PCDH7: variants seen among roughly 807,000 people sequenced by gnomAD.
The protein encoded by PCDH7 is protocadherin-7.
A neutral mutation model predicts 58.9 loss-of-function variants in PCDH7; 17 were observed. That is an observed-to-expected ratio of 0.29 (90% CI 0.20 to 0.43). PCDH7 has a LOEUF of 0.43. Among genes scored for constraint, PCDH7 ranks in the 20% least tolerant of loss-of-function variants. PCDH7 has a pLI of 1.00. For missense variants in PCDH7, 1,274 were observed against 1,441.0 expected, an observed-to-expected ratio of 0.88 and a Z score of 1.88; for synonymous variants, 664 against 616.4, an observed-to-expected ratio of 1.08 and a Z score of -1.14.
chr4:30,872,920 C>G (rs1033260690), intron 1 of PCDH7, among the ~76,000 whole-genome samples: 2 of 152,044 alleles, frequency 1.3e-5, no homozygotes, highest in Non-Finnish European at 2.9e-5. Flanking sequence ...CAGACCAGTT[C>G]CTGGCACTGT....
intron 3 of PCDH7, among the ~76,000 whole-genome samples, chr4:31,049,494 T>TTTC (rs1034760425): frequency 3.3e-5 from 5 of 152,116 alleles, no homozygotes; most frequent in African/African-American, 7.2e-5. Flanking sequence ...GCTACATTTC[T>TTTC]TTCTCTTGCT....
chr4:30,803,700 A>G (rs910621168), intron 1 of PCDH7, among the ~76,000 whole-genome samples: 3 of 152,190 alleles, frequency 2.0e-5, no homozygotes, highest in East Asian at 1.9e-4. Flanking sequence ...TGGTGTCCCA[A>G]AGTGCTGGGA....
At chr4:30,853,359 C>T (rs2109348264) in intron 1 of PCDH7, among the ~76,000 whole-genome samples, 1 of 152,132 alleles carries the variant, frequency 6.6e-6, no homozygotes, top group East Asian at 1.9e-4. Context: ...TTAGGAAATG[C>T]TATTTCTCTT....
chr4:31,034,880 G>T (rs964434519), intron 3 of PCDH7, among the ~76,000 whole-genome samples: 1 of 152,164 alleles, frequency 6.6e-6, no homozygotes, highest in Admixed American at 6.5e-5. Flanking sequence ...TTGGTGACAT[G>T]AATCACTCTT....
chr4:30,855,270 G>T (rs1733310081), intron 1 of PCDH7, among the ~76,000 whole-genome samples: 1 of 152,122 alleles, frequency 6.6e-6, no homozygotes, highest in South Asian at 2.1e-4. Flanking sequence ...TGCTTGATTT[G>T]TCATGATCAG....
At chr4:30,986,441 C>A (rs768291831) in intron 3 of PCDH7, among the ~76,000 whole-genome samples, 3 of 151,536 alleles carry the variant, frequency 2.0e-5, no homozygotes, top group Admixed American at 1.3e-4. Flanking sequence ...AGGAAAAAAC[C>A]CACCTATTTC....
At chr4:31,033,405 A>T (rs956626032) in intron 3 of PCDH7, among the ~76,000 whole-genome samples, 14 of 152,232 alleles carry the variant, frequency 9.2e-5, no homozygotes, top group African/African-American at 3.1e-4. Flanking sequence ...TAGCATTTCA[A>T]TGCATTGTAT....
chr4:31,124,046 G>A (rs548685324), intron 3 of PCDH7, among the ~76,000 whole-genome samples: 13 of 152,180 alleles, frequency 8.5e-5, no homozygotes, highest in African/African-American at 2.9e-4. Context: ...GTTTTTATGG[G>A]TACAGGGTGA....
At chr4:30,981,811 G>A (rs1251560965) in intron 3 of PCDH7, among the ~76,000 whole-genome samples, 2 of 152,068 alleles carry the variant, frequency 1.3e-5, no homozygotes, top group African/African-American at 4.8e-5. Flanking sequence ...TTTTAAAAAA[G>A]TGCTACTCTC....
chr4:30,846,139 G>A lies in PCDH7; in HGVS notation c.71-74014G>A, dbSNP rs1578025653. Reference sequence around the variant, plus strand: ...ATGGTCTGAATATATCTATACCAGGGTTTCCCAATGTTGGCACTATTGATA... The same window carrying A: ...ATGGTCTGAATATATCTATACCAGGATTTCCCAATGTTGGCACTATTGATA... On this transcript the variant is annotated intron_variant, in intron 1 of 3. Coordinates refer to the PCDH7 transcript ENST00000509759. Among the ~76,000 whole-genome samples, 4 of 152,020 alleles carry A rather than the reference G, an allele frequency of 2.6e-5. No homozygotes were observed. In the East Asian group the frequency reaches 7.7e-4, roughly 29 times the overall value.
chr4:31,047,155 A>C (rs1756356221), intron 3 of PCDH7, among the ~76,000 whole-genome samples: 1 of 152,162 alleles, frequency 6.6e-6, no homozygotes, highest in South Asian at 2.1e-4. Flanking sequence ...TGATTACACA[A>C]ATATCACATA....
intron 1 of PCDH7, among the ~76,000 whole-genome samples, chr4:30,837,299 C>A (rs1266517162): frequency 1.3e-5 from 2 of 151,968 alleles, no homozygotes; most frequent in East Asian, 3.9e-4. Context: ...CAGGGCCCTG[C>A]ATGGACTGTC....
At chr4:30,881,336 A>G (rs1291509274) in intron 1 of PCDH7, among the ~76,000 whole-genome samples, 1 of 152,004 alleles carries the variant, frequency 6.6e-6, no homozygotes, top group East Asian at 1.9e-4. Flanking sequence ...ATAGAGCAAG[A>G]CTCCATCTCA....
At chr4:30,972,372 C>G (rs4505781) in intron 3 of PCDH7, among the ~76,000 whole-genome samples, 13,967 of 151,922 alleles carry the variant, frequency 0.092, 952 homozygotes, top group East Asian at 0.28. Context: ...TTTATTTCTT[C>G]TAAAGGATTT....
chr4:30,837,133 T>C (rs969250448), intron 1 of PCDH7, among the ~76,000 whole-genome samples: 1 of 152,040 alleles, frequency 6.6e-6, no homozygotes, highest in African/African-American at 2.4e-5. Context: ...GAATCAATGA[T>C]TGTATGATAA....
chr4:31,067,919 CT>C (rs1560618081), intron 3 of PCDH7, among the ~76,000 whole-genome samples: 3 of 151,892 alleles, frequency 2.0e-5, no homozygotes, highest in African/African-American at 7.2e-5. Context: ...ATATTTTAAG[CT>C]TCAGATTTCA....
At chr4:30,852,838 A>AG (rs1444710882) in intron 1 of PCDH7, among the ~76,000 whole-genome samples, 1 of 150,698 alleles carries the variant, frequency 6.6e-6, no homozygotes, top group East Asian at 2.0e-4. Context: ...GGAAAAAAAA[A>AG]AAAAAAAAAA....
At chr4:30,785,843 TTACTC>T (rs1465170565) in intron 1 of PCDH7, among the ~76,000 whole-genome samples, 1 of 152,040 alleles carries the variant, frequency 6.6e-6, no homozygotes, top group Non-Finnish European at 1.5e-5. Context: ...TGTACCATGT[TTACTC>T]TATGAAAGTG....
intron 2 of PCDH7, among the ~76,000 whole-genome samples, chr4:30,921,259 CAGAG>C (rs1240788804): frequency 6.6e-6 from 1 of 151,986 alleles, no homozygotes; most frequent in Non-Finnish European, 1.5e-5. Flanking sequence ...GATGGTTAAA[CAGAG>C]AGAAAGGAAA....
Sources: gnomAD v4.1 joint callset for allele counts (sites outside exome capture counted in the v4.1 genomes callset) on GRCh38, gnomAD v4.1.1 for gene constraint, MANE v1.5 for transcripts, NCBI Gene and HGNC (gene_info 2026-07-23, HGNC 2026-07-21) for gene names.